RAD51B: variants seen among roughly 807,000 people sequenced by gnomAD.
The protein encoded by RAD51B is RAD51 paralog B.
A neutral mutation model predicts 42.2 loss-of-function variants in RAD51B; 38 were observed. That is an observed-to-expected ratio of 0.90 (90% confidence interval 0.70 to 1.18). The LOEUF is 1.18. RAD51B is among the 50% of genes most tolerant of loss of function. RAD51B has a pLI of 0.00. For synonymous variants in RAD51B, 154 were observed against 145.2 expected, an observed-to-expected ratio of 1.06 and a Z score of -0.43; for missense variants, 373 against 400.7, an observed-to-expected ratio of 0.93 and a Z score of 0.59.
chr14:68,107,849 C>G (rs2077399578), intron 7 of RAD51B, among the ~76,000 whole-genome samples: 1 of 151,710 alleles, frequency 6.6e-6, no homozygotes, highest in South Asian at 2.1e-4. Flanking sequence ...CTATAAAACT[C>G]TTAGAAAGAG....
At chr14:67,832,847 T>C (rs1258401529) in intron 3 of RAD51B, among the ~76,000 whole-genome samples, 1 of 151,358 alleles carries the variant, frequency 6.6e-6, no homozygotes, top group Non-Finnish European at 1.5e-5. Flanking sequence ...CAAAGGGAGG[T>C]TGTCAAAAGC....
chr14:68,534,774 A>G (rs926713478), intron 10 of RAD51B, among the ~76,000 whole-genome samples: 2 of 152,098 alleles, frequency 1.3e-5, no homozygotes, highest in Admixed American at 6.5e-5. Context: ...AAATTCCACA[A>G]GGGTAGAGAT....
intron 7 of RAD51B, among the ~76,000 whole-genome samples, chr14:67,984,597 T>A (rs2075151158): frequency 6.6e-6 from 1 of 152,244 alleles, no homozygotes; most frequent in Admixed American, 6.5e-5. Context: ...TTGTTCAGTC[T>A]GGACTCTCTG....
intron 11 of RAD51B, among the ~76,000 whole-genome samples, chr14:68,655,544 T>A (rs923608951): frequency 1.1e-4 from 17 of 151,970 alleles, no homozygotes; most frequent in Non-Finnish European, 4.4e-5. Flanking sequence ...GGCAGGCGTG[T>A]GGGGGAGATG....
Position 68,274,687 on chromosome 14 carries a change from A to G in RAD51B, c.757-17197A>G, listed in dbSNP as rs186787250. 7.9e-5 allele frequency among the ~76,000 whole-genome samples: 12 copies of G among 152,318 alleles called. No individual in the cohort carries two copies. The East Asian group carries it at 1.9e-3, about 24-fold the overall frequency. ...GTCACAAATAATTAATAATTATGTC[A>G]GAAATAATTACTTCCTTACTCTCCT... On this transcript the variant is annotated intron_variant, in intron 7 of 10. Coordinates refer to ENST00000471583, the MANE Select transcript of RAD51B (RefSeq NM_133510.4).
intron 8 of RAD51B, among the ~76,000 whole-genome samples, chr14:68,406,204 G>C (rs1419597805): frequency 6.6e-6 from 1 of 152,154 alleles, no homozygotes; most frequent in Non-Finnish European, 1.5e-5. Context: ...ATAATATACA[G>C]TCATATGTCA....
At chr14:68,290,025 G>A (rs147269749) in intron 7 of RAD51B, among the ~76,000 whole-genome samples, 243 of 152,260 alleles carry the variant, frequency 1.6e-3, no homozygotes, top group Non-Finnish European at 2.5e-3. Context: ...TGACCTTGCC[G>A]TCCCGGTCCC....
At chr14:68,147,524 T>G (rs971589337) in intron 7 of RAD51B, among the ~76,000 whole-genome samples, 3 of 152,206 alleles carry the variant, frequency 2.0e-5, no homozygotes, top group Non-Finnish European at 4.4e-5. Flanking sequence ...CTTTTTATAC[T>G]CTAGTAAACT....
At chr14:68,394,840 C>T (rs896368809) in intron 8 of RAD51B, among the ~76,000 whole-genome samples, 11 of 152,186 alleles carry the variant, frequency 7.2e-5, no homozygotes, top group African/African-American at 1.2e-4. Context: ...CTGTGGAAGC[C>T]GCACGTCTCC....
intron 7 of RAD51B, among the ~76,000 whole-genome samples, chr14:68,277,428 G>A (rs2139609982): frequency 6.6e-6 from 1 of 152,244 alleles, no homozygotes; most frequent in South Asian, 2.1e-4. Context: ...TTTCTGGGAG[G>A]TGCCCTCCCC....
At chr14:68,233,170 A>G (rs1387263381) in intron 7 of RAD51B, among the ~76,000 whole-genome samples, 1 of 152,124 alleles carries the variant, frequency 6.6e-6, no homozygotes, top group East Asian at 1.9e-4. Context: ...TTTCATTGTG[A>G]CCACTTATTT....
At chr14:68,220,655 G>A (rs927426638) in intron 7 of RAD51B, among the ~76,000 whole-genome samples, 2 of 152,166 alleles carry the variant, frequency 1.3e-5, no homozygotes, top group Admixed American at 6.5e-5. Context: ...TCAGTAAAGA[G>A]GAAGTTAAAC....
At chr14:68,030,541 G>A (rs2076025249) in intron 7 of RAD51B, among the ~76,000 whole-genome samples, 1 of 152,126 alleles carries the variant, frequency 6.6e-6, no homozygotes, top group Admixed American at 6.5e-5. Context: ...AGCCTTCATA[G>A]AATTGAAGAC....
At chr14:68,109,749 A>C (rs2077431743) in intron 7 of RAD51B, among the ~76,000 whole-genome samples, 2 of 152,016 alleles carry the variant, frequency 1.3e-5, no homozygotes, top group Non-Finnish European at 2.9e-5. Flanking sequence ...TGAACAGGAA[A>C]GAGTGGGCAG....
chr14:67,960,304 ACTT>A (rs1009199688), intron 7 of RAD51B, among the ~76,000 whole-genome samples: 8 of 152,182 alleles, frequency 5.3e-5, no homozygotes, highest in Non-Finnish European at 1.0e-4. Context: ...GTTTGACACT[ACTT>A]TACTTGATCT....
chr14:68,420,213 T>C (rs1008721614), intron 9 of RAD51B, among the ~76,000 whole-genome samples: 1 of 152,178 alleles, frequency 6.6e-6, no homozygotes, highest in Non-Finnish European at 1.5e-5. Context: ...TGCTCTGAGA[T>C]GTAAGATGGT....
At chr14:68,408,893 G>A (rs1017082076) in intron 8 of RAD51B, among the ~76,000 whole-genome samples, 2 of 151,950 alleles carry the variant, frequency 1.3e-5, no homozygotes, top group Admixed American at 6.6e-5. Context: ...ATGAATTCTC[G>A]AACTCACCAC....
At chr14:68,663,337 G>A (rs190552074) in intron 11 of RAD51B, among the ~76,000 whole-genome samples, 69 of 149,214 alleles carry the variant, frequency 4.6e-4, no homozygotes, top group Admixed American at 1.9e-3. Context: ...AGAGAGAGAT[G>A]GGTGGGACAA....
At chr14:67,901,168 T>C (rs1296243115) in intron 7 of RAD51B, among the ~76,000 whole-genome samples, 1 of 152,212 alleles carries the variant, frequency 6.6e-6, no homozygotes, top group Non-Finnish European at 1.5e-5. Flanking sequence ...AGTTCCCTCC[T>C]AAGGATGTTG....
Sources: allele counts gnomAD v4.1 joint callset (sites outside exome capture counted in the v4.1 genomes callset), GRCh38; gene constraint gnomAD v4.1.1; transcripts MANE v1.5; gene names NCBI Gene and HGNC (gene_info 2026-07-23, HGNC 2026-07-21).